RBFOX1: variants seen among roughly 807,000 people sequenced by gnomAD.
The protein encoded by RBFOX1 is RNA binding fox-1 homolog 1.
In RBFOX1, 8 loss-of-function variants were observed where a neutral mutation model predicts 57.7. The observed-to-expected ratio is 0.14, with a 90% CI of 0.08 to 0.25. The LOEUF (loss-of-function observed/expected upper bound fraction) is 0.25, where lower values mean the gene tolerates loss of function less well. RBFOX1 is among the 10% of genes least tolerant of loss of function. RBFOX1 has a pLI of 1.00. For missense variants in RBFOX1, 611 were observed against 548.5 expected (o/e 1.11, Z -1.14); for synonymous variants, 326 against 222.4 (o/e 1.47, Z -4.15).
At chr16:5,577,383 C>T (rs894600298) in intron 2 of RBFOX1, among the ~76,000 whole-genome samples, 2 of 152,076 alleles carry the variant, frequency 1.3e-5, no homozygotes, top group Non-Finnish European at 2.9e-5. Context: ...CACCTCCTCA[C>T]CTCAACATTT....
intron 4 of RBFOX1, among the ~76,000 whole-genome samples, chr16:5,898,497 G>C (rs1269077570): frequency 6.7e-6 from 1 of 149,082 alleles, no homozygotes; most frequent in Non-Finnish European, 1.5e-5. Context: ...GAGGAGTAAT[G>C]ATGATAATAA....
intron 1 of RBFOX1, among the ~76,000 whole-genome samples, chr16:5,357,807 A>G (rs1465380611): frequency 2.6e-5 from 4 of 152,108 alleles, no homozygotes; most frequent in African/African-American, 9.7e-5. Flanking sequence ...CTTACAACCA[A>G]TCTGTTGCTT....
chr16:6,724,547 A>G (rs1264498564), intron 3 of RBFOX1, among the ~76,000 whole-genome samples: 1 of 151,964 alleles, frequency 6.6e-6, no homozygotes, highest in Non-Finnish European at 1.5e-5. Flanking sequence ...CTCACCAGAC[A>G]CCAAATCTAC....
chr16:7,460,389 A>ATATATATATATATATGTGTGTG lies in RBFOX1; in HGVS notation c.28-57757_28-57756insATATATATATATATGTGTGTGT. 1.1e-3 allele frequency among the ~76,000 whole-genome samples: 92 copies of ATATATATATATATATGTGTGTG among 87,204 alleles called. 2 individuals are homozygous for ATATATATATATATATGTGTGTG. Among genetic ancestry groups the ATATATATATATATATGTGTGTG allele is most frequent in the African/African-American group, 3.8e-3 (58 of 15,358 alleles). 57.2% of individuals were successfully genotyped at this position (87,204 alleles called of 152,430 possible). On this transcript the variant is annotated intron_variant, in intron 4 of 15. Coordinates refer to ENST00000550418, the MANE Select transcript of RBFOX1 (RefSeq NM_018723.4). ...TAGCAAAATATATATATATATATAT[A>ATATATATATATATATGTGTGTG]TGTGTGTGTGTGTGTGTGTGTGTGT... is the stretch of plus-strand genomic sequence containing the variant.
At chr16:6,505,121 T>G (rs1041791625) in intron 2 of RBFOX1, among the ~76,000 whole-genome samples, 4 of 152,094 alleles carry the variant, frequency 2.6e-5, no homozygotes, top group Non-Finnish European at 4.4e-5. Context: ...CTCAAATTAT[T>G]TTTTTTCCTT....
At chr16:7,675,733 C>A (rs1254671280) in intron 13 of RBFOX1, among the ~76,000 whole-genome samples, 1 of 152,262 alleles carries the variant, frequency 6.6e-6, no homozygotes, top group Admixed American at 6.5e-5. Flanking sequence ...TATACCTTCT[C>A]ACACACTACT....
chr16:6,934,643 A>AT (rs1400127854), intron 3 of RBFOX1, among the ~76,000 whole-genome samples: 1 of 152,216 alleles, frequency 6.6e-6, no homozygotes, highest in African/African-American at 2.4e-5. Context: ...ACTCAAGCAC[A>AT]GAAAGACAAG....
At chr16:6,816,737 CAAAAA>C (rs1181907817) in intron 3 of RBFOX1, among the ~76,000 whole-genome samples, 5 of 95,668 alleles carry the variant, frequency 5.2e-5, no homozygotes, top group Admixed American at 1.2e-4. Context: ...AAGACTGTCT[CAAAAA>C]AAAAAAAAAA....
intron 4 of RBFOX1, among the ~76,000 whole-genome samples, chr16:7,513,571 C>T (rs1169165995): frequency 6.6e-6 from 1 of 152,174 alleles, no homozygotes; most frequent in Non-Finnish European, 1.5e-5. Flanking sequence ...AGATGTTTAG[C>T]AGCATTCCTG....
rs535359202 is a variant in RBFOX1, at chr16:7,265,974, T to G, written c.27+213876T>G. 5.4e-3 allele frequency among the ~76,000 whole-genome samples: 738 copies of G among 136,786 alleles called. 25 individuals are homozygous for G. The highest frequency in any genetic ancestry group is 0.02 in the African/African-American group (703 of 34,894). The allele number at this position is 136,786 out of a possible 152,430, so 89.7% of individuals were successfully genotyped here. A position where few individuals can be genotyped will look rare whatever the true frequency, so the allele number is the denominator to read the frequency against. On this transcript the variant is annotated intron_variant, in intron 4 of 15. Transcript: ENST00000550418. ...ATCTGGTGGGTTTTTGTTTTTTTTT[T>G]TTTTTTTTTTTTTTTTCTGAGAGGG...
intron 3 of RBFOX1, among the ~76,000 whole-genome samples, chr16:6,892,593 C>G (rs546038007): frequency 6.6e-6 from 1 of 152,216 alleles, no homozygotes; most frequent in East Asian, 1.9e-4. Flanking sequence ...TCACTTGAAC[C>G]TGGGAAATGG....
intron 4 of RBFOX1, among the ~76,000 whole-genome samples, chr16:7,229,687 G>A (rs375602840): frequency 1.1e-5 from 1 of 86,998 alleles, no homozygotes; most frequent in Non-Finnish European, 2.7e-5. Context: ...GGAGAGAGAC[G>A]AAGGAAGAGG....
intron 2 of RBFOX1, among the ~76,000 whole-genome samples, chr16:6,633,768 G>A (rs2098408932): frequency 6.6e-6 from 1 of 152,130 alleles, no homozygotes; most frequent in East Asian, 1.9e-4. Flanking sequence ...TTAGGCTTTG[G>A]GAGGCTGAGG....
upstream of RBFOX1, among the ~76,000 whole-genome samples, chr16:6,014,444 C>T (rs1029592312): frequency 5.3e-5 from 8 of 152,252 alleles, 1 homozygote; most frequent in Non-Finnish European, 8.8e-5. Context: ...CTGTGGACAC[C>T]AGATAGCTCA....
intron 4 of RBFOX1, among the ~76,000 whole-genome samples, chr16:5,978,635 A>T (rs2060113722): frequency 1.3e-5 from 2 of 151,918 alleles, no homozygotes; most frequent in South Asian, 4.1e-4. Context: ...TGTTATGTGA[A>T]AAAGACTCAG....
chr16:6,531,777 G>A (rs1036740042), intron 2 of RBFOX1, among the ~76,000 whole-genome samples: 9 of 152,222 alleles, frequency 5.9e-5, no homozygotes, highest in East Asian at 1.9e-4. Flanking sequence ...ATTATCCTTC[G>A]TGTATGAGTA....
At chr16:6,882,085 C>T (rs143656922) in intron 3 of RBFOX1, among the ~76,000 whole-genome samples, 2 of 152,122 alleles carry the variant, frequency 1.3e-5, no homozygotes, top group Non-Finnish European at 2.9e-5. Flanking sequence ...CAGTGGCCCC[C>T]TATTCCCTGC....
chr16:6,860,063 G>A (rs2058725613), intron 3 of RBFOX1, among the ~76,000 whole-genome samples: 1 of 152,188 alleles, frequency 6.6e-6, no homozygotes, highest in Non-Finnish European at 1.5e-5. Context: ...ACCGAGGTAA[G>A]TGAAGAGAGA....
chr16:6,580,600 C>A (rs879345052), intron 2 of RBFOX1, among the ~76,000 whole-genome samples: 1 of 152,024 alleles, frequency 6.6e-6, no homozygotes, highest in Admixed American at 6.6e-5. Context: ...GGGGGGGATG[C>A]ATAATAGTGA....
Sources: gnomAD v4.1 joint callset for allele counts (sites outside exome capture counted in the v4.1 genomes callset) on GRCh38, gnomAD v4.1.1 for gene constraint, MANE v1.5 for transcripts, NCBI Gene and HGNC (gene_info 2026-07-23, HGNC 2026-07-21) for gene names.